CCSER1: variants seen among roughly 807,000 people sequenced by gnomAD.
CCSER1 encodes the protein coiled-coil serine rich protein 1.
A neutral mutation model predicts 82.0 loss-of-function variants in CCSER1; 41 were observed. The ratio of observed to expected loss-of-function variants is 0.50; its 90% CI spans 0.39 to 0.65. CCSER1 has a LOEUF of 0.65. Among genes scored for constraint, CCSER1 ranks in the 30% least tolerant of loss-of-function variants. The probability of loss-of-function intolerance (pLI) is 0.00; values close to 1 mark genes in which losing one functional copy is unlikely to be tolerated. For synonymous variants in CCSER1, 414 were observed against 383.9 expected (o/e 1.08, Z -0.92); for missense variants, 1,119 against 1,064.2 (o/e 1.05, Z -0.72).
chr4:90,362,181 T>G (rs1745493793), intron 3 of CCSER1, among the ~76,000 whole-genome samples: 1 of 152,180 alleles, frequency 6.6e-6, no homozygotes, highest in African/African-American at 2.4e-5. Context: ...TTGTGTCTTA[T>G]GTCAACATGC....
At chr4:90,426,925 A>C (rs1313780830) in intron 4 of CCSER1, among the ~76,000 whole-genome samples, 1 of 152,134 alleles carries the variant, frequency 6.6e-6, no homozygotes, top group African/African-American at 2.4e-5. Context: ...ATACTGAACA[A>C]AACTTCTAGA....
At chr4:90,953,908 G>A (rs867325578) in intron 9 of CCSER1, among the ~76,000 whole-genome samples, 1 of 48,804 alleles carries the variant, frequency 2.0e-5, no homozygotes, top group Admixed American at 2.4e-4. Flanking sequence ...TTAGCAATAA[G>A]AGAAAAATTA....
In CCSER1 at chr4:90,723,131, T is replaced by C. The variant is rs556822284; in HGVS notation, c.1933-783T>C. Among the ~76,000 whole-genome samples, 5 of 152,098 alleles carry C rather than the reference T, an allele frequency of 3.3e-5. No homozygotes were observed. In the South Asian group the frequency reaches 1.0e-3, roughly 31 times the overall value. ...ATGGGAGAATCCCTCTGAGAGACTG[T>C]GTTAAGAATATAATAAAATGACTTC... On this transcript the variant is annotated intron_variant, in intron 6 of 10. Coordinates refer to ENST00000509176, the MANE Select transcript of CCSER1 (RefSeq NM_001145065.2).
chr4:90,725,836 A>T (rs1743535653), intron 7 of CCSER1, among the ~76,000 whole-genome samples: 1 of 149,104 alleles, frequency 6.7e-6, no homozygotes. Context: ...AAAGTCTAAT[A>T]TTATAATTCA....
At chr4:91,352,684 C>T (rs555907011) in intron 10 of CCSER1, among the ~76,000 whole-genome samples, 10 of 152,202 alleles carry the variant, frequency 6.6e-5, no homozygotes, top group Non-Finnish European at 1.0e-4. Flanking sequence ...TTATGCTTAC[C>T]GTTAAAAGTG....
At chr4:90,406,326 T>C (rs1578310451) in intron 4 of CCSER1, among the ~76,000 whole-genome samples, 1 of 152,274 alleles carries the variant, frequency 6.6e-6, no homozygotes, top group East Asian at 1.9e-4. Flanking sequence ...TCTAAATATA[T>C]ATGCACCTAA....
intron 3 of CCSER1, among the ~76,000 whole-genome samples, chr4:90,361,532 AT>A (rs1371434733): frequency 5.3e-5 from 8 of 152,168 alleles, no homozygotes; most frequent in African/African-American, 1.9e-4. Flanking sequence ...GTTCGGGGGT[AT>A]TTGTGAAAGT....
At chr4:91,105,092 A>C (rs565931620) in intron 10 of CCSER1, among the ~76,000 whole-genome samples, 1 of 151,996 alleles carries the variant, frequency 6.6e-6, no homozygotes, top group South Asian at 2.1e-4. Context: ...CTATCATTTC[A>C]CTCTTTACCT....
chr4:91,021,798 G>T (rs907752335), intron 9 of CCSER1, among the ~76,000 whole-genome samples: 5 of 151,830 alleles, frequency 3.3e-5, no homozygotes, highest in Non-Finnish European at 7.4e-5. Flanking sequence ...ATTCTAAAAG[G>T]GAAACTTGAA....
chr4:90,303,788 A>C (rs1378491810), intron 1 of CCSER1, among the ~76,000 whole-genome samples: 2 of 152,196 alleles, frequency 1.3e-5, no homozygotes, highest in Non-Finnish European at 2.9e-5. Context: ...AACAAAAGCC[A>C]AAATTGACAA....
intron 10 of CCSER1, among the ~76,000 whole-genome samples, chr4:91,487,338 G>A (rs1758275905): frequency 6.6e-6 from 1 of 152,106 alleles, no homozygotes; most frequent in Non-Finnish European, 1.5e-5. Context: ...CACAAGGCAT[G>A]CTTTGAACTC....
intron 10 of CCSER1, among the ~76,000 whole-genome samples, chr4:91,459,489 G>T (rs1220978410): frequency 6.6e-6 from 1 of 152,122 alleles, no homozygotes; most frequent in Non-Finnish European, 1.5e-5. Flanking sequence ...AGACTGCCAA[G>T]TAACACAGGA....
intron 5 of CCSER1, among the ~76,000 whole-genome samples, chr4:90,615,391 C>A (rs1203871524): frequency 6.6e-6 from 1 of 152,132 alleles, no homozygotes; most frequent in Non-Finnish European, 1.5e-5. Flanking sequence ...GGGTAAAATA[C>A]ATTAAAAATC....
At chr4:91,482,791 G>C (rs1458460460) in intron 10 of CCSER1, among the ~76,000 whole-genome samples, 10 of 152,166 alleles carry the variant, frequency 6.6e-5, no homozygotes, top group Non-Finnish European at 1.3e-4. Context: ...CATATCCTTT[G>C]TAGGGACATG....
chr4:91,334,912 G>A (rs1747217960), intron 10 of CCSER1, among the ~76,000 whole-genome samples: 1 of 151,662 alleles, frequency 6.6e-6, no homozygotes, highest in Admixed American at 6.6e-5. Flanking sequence ...ACATGGGCTG[G>A]GATTTAAGAA....
intron 1 of CCSER1, among the ~76,000 whole-genome samples, chr4:90,135,195 TAACTC>T (rs1723446017): frequency 6.6e-6 from 1 of 152,242 alleles, no homozygotes. Context: ...CAGCCTTTGA[TAACTC>T]AACTCTAACA....
intron 9 of CCSER1, among the ~76,000 whole-genome samples, chr4:91,066,515 A>T (rs1302002906): frequency 6.6e-6 from 1 of 152,198 alleles, no homozygotes; most frequent in Non-Finnish European, 1.5e-5. Context: ...CAGATCATCC[A>T]TATCACAGTA....
At chr4:90,937,251 C>G (rs140465318) in intron 9 of CCSER1, among the ~76,000 whole-genome samples, 1 of 152,050 alleles carries the variant, frequency 6.6e-6, no homozygotes, top group Non-Finnish European at 1.5e-5. Context: ...AGCTGGAACT[C>G]GAGTGATGGG....
At chr4:90,461,105 G>T (rs1399827058) in intron 4 of CCSER1, among the ~76,000 whole-genome samples, 1 of 83,500 alleles carries the variant, frequency 1.2e-5, no homozygotes, top group East Asian at 3.2e-4. Context: ...TCGCTCTGTC[G>T]CCCAGGCTGG....
Sources: gnomAD v4.1 joint callset for allele counts (sites outside exome capture counted in the v4.1 genomes callset) on GRCh38, gnomAD v4.1.1 for gene constraint, MANE v1.5 for transcripts, NCBI Gene and HGNC (gene_info 2026-07-23, HGNC 2026-07-21) for gene names.